The following CLMN variants were observed in gnomAD, a reference collection of about 807,000 sequenced individuals.
CLMN encodes calmin, also known as calmin (calponin-like, transmembrane).
CLMN carries 57 observed loss-of-function variants against 92.7 expected under a neutral mutation model. The observed-to-expected ratio is 0.61, with a 90% confidence interval of 0.50 to 0.77. The LOEUF (loss-of-function observed/expected upper bound fraction) is 0.77, where lower values mean the gene tolerates loss of function less well. Among genes scored for constraint, CLMN ranks in the 30% least tolerant of loss-of-function variants. The pLI is 0.00. For missense variants in CLMN, 1,158 were observed against 1,237.5 expected (o/e 0.94, Z 0.96); for synonymous variants, 466 against 470.6 (o/e 0.99, Z 0.13).
intron 2 of CLMN, among the ~76,000 whole-genome samples, chr14:95,226,722 C>T (rs1233242927): frequency 1.3e-5 from 2 of 152,194 alleles, no homozygotes; most frequent in Non-Finnish European, 2.9e-5. Flanking sequence ...ACTACAGGCA[C>T]GTGCCATCAC....
chr14:95,222,145 T>C (rs1897563676), intron 3 of CLMN, among the ~76,000 whole-genome samples: 1 of 152,160 alleles, frequency 6.6e-6, no homozygotes, highest in Non-Finnish European at 1.5e-5. Context: ...CATTACGTGT[T>C]CCCTTCGCTA....
intron 1 of CLMN, among the ~76,000 whole-genome samples, chr14:95,239,681 G>C (rs1408745377): frequency 6.6e-6 from 1 of 152,188 alleles, no homozygotes; most frequent in African/African-American, 2.4e-5. Flanking sequence ...CTGCCCCCTT[G>C]CATCATTTAT....
chr14:95,196,245 CCACCCAAAGG>C (rs3835292), intron 10 of CLMN, among the ~76,000 whole-genome samples: 14,240 of 152,214 alleles, frequency 0.094, 1,012 homozygotes, highest in East Asian at 0.43. Context: ...CTGCCAGCTT[CCACCCAAAGG>C]TTTGAAGACT....
At chr14:95,274,674 T>A (rs1899853258) in intron 1 of CLMN, among the ~76,000 whole-genome samples, 1 of 152,164 alleles carries the variant, frequency 6.6e-6, no homozygotes, top group African/African-American at 2.4e-5. Context: ...GTGTGTGTCT[T>A]GCAGTATTAT....
intron 12 of CLMN, chr14:95,192,615 A>T (rs1896588188): frequency 6.6e-6 from 1 of 152,292 alleles, no homozygotes; most frequent in Admixed American, 6.5e-5. Flanking sequence ...ATACTGAATG[A>T]TAAATACCCA....
chr14:95,267,617 C>T (rs1410461993), intron 1 of CLMN, among the ~76,000 whole-genome samples: 1 of 152,058 alleles, frequency 6.6e-6, no homozygotes, highest in Non-Finnish European at 1.5e-5. Context: ...TATGAAGATT[C>T]GTCAAAAAAC....
chr14:95,249,836 G>A (rs1162831789), intron 1 of CLMN, among the ~76,000 whole-genome samples: 3 of 152,058 alleles, frequency 2.0e-5, no homozygotes, highest in Non-Finnish European at 4.4e-5. Context: ...TTCATGATCT[G>A]CCCACTCAGA....
chr14:95,259,384 C>T lies in CLMN; in HGVS notation c.83-29251G>A, dbSNP rs1185579555. On this transcript the variant is annotated intron_variant, in intron 1 of 12. Transcript: ENST00000298912. This position sits in a 1 kb window ranked among gnomAD's most constrained non-coding sequence, Gnocchi z 4.3. Reference sequence around the variant, plus strand: ...ACTCACCAGGCCTGACCTTGGGCACCAGAACGGAGAAGGAAATGTGCGTGG... The same window carrying T: ...ACTCACCAGGCCTGACCTTGGGCACTAGAACGGAGAAGGAAATGTGCGTGG... Among the ~76,000 whole-genome samples the T allele has an allele frequency of 3.3e-5, 5 of 152,092 alleles. No individual in the cohort carries two copies. The highest frequency in any genetic ancestry group is 7.4e-5 in the Non-Finnish European group (5 of 67,994).
At chr14:95,310,204 C>T (rs974526150) in intron 1 of CLMN, among the ~76,000 whole-genome samples, 5 of 152,228 alleles carry the variant, frequency 3.3e-5, no homozygotes, top group Non-Finnish European at 7.3e-5. Flanking sequence ...CCTGCAGAAC[C>T]ATGAGCCAAT....
chr14:95,319,608 G>C (rs181776963), intron 1 of CLMN, 103 bp downstream of exon 1: 2 of 929,156 alleles, frequency 2.2e-6, no homozygotes, highest in African/African-American at 3.6e-5. Flanking sequence ...AACAACGAGC[G>C]GCCGGCGAGC....
intron 1 of CLMN, among the ~76,000 whole-genome samples, chr14:95,264,008 CTTTATTTATTTATTTATTTATTTA>C (rs34763756): frequency 5.6e-5 from 8 of 143,858 alleles, no homozygotes; most frequent in Middle Eastern, 3.5e-3. Context: ...CACCTTATTA[CTTTATTTATTTATTTATTTATTTA>C]TTTATTTATT....
intron 6 of CLMN, 79 bp downstream of exon 6, chr14:95,213,140 A>G: frequency 1.5e-5 from 23 of 1,484,840 alleles, no homozygotes; most frequent in Non-Finnish European, 2.1e-5. Context: ...TGGCACCTTA[A>G]TAAATACTAA....
At chr14:95,282,743 GAGA>G (rs1376100225) in intron 1 of CLMN, among the ~76,000 whole-genome samples, 2 of 152,280 alleles carry the variant, frequency 1.3e-5, no homozygotes, top group Non-Finnish European at 2.9e-5. Flanking sequence ...GCCACTCAGA[GAGA>G]AGGTCAGAAT....
At chr14:95,207,999 T>C (rs1181211648) in intron 8 of CLMN, among the ~76,000 whole-genome samples, 3 of 152,162 alleles carry the variant, frequency 2.0e-5, no homozygotes, top group Non-Finnish European at 4.4e-5. Flanking sequence ...GATCCTTATT[T>C]TCGTTTATAA....
chr14:95,210,726 T>G lies in CLMN; in HGVS notation c.762A>C (p.Ala254=). 1 of 1,610,498 alleles carries G rather than the reference T, an allele frequency of 6.2e-7. No homozygotes were observed. Among genetic ancestry groups the G allele is most frequent in the Middle Eastern group, 1.7e-4 (1 of 6,056 alleles). Residue 254 remains alanine, a synonymous_variant, in exon 7 of 13, where the codon GCA becomes GCC. Transcript: ENST00000298912. The part of the protein sequence containing the change: ...RENLEKAFSI[A]QDALHIPRLL... ...GCCTGGGGATGTGCAGGGCATCCTG[T>G]GCGATGCTGAAAGCCTTCTCTAGAT...
chr14:95,279,769 CGA>C (rs1900074162), intron 1 of CLMN, among the ~76,000 whole-genome samples: 1 of 152,144 alleles, frequency 6.6e-6, no homozygotes, highest in African/African-American at 2.4e-5. Context: ...GGCGACAGAG[CGA>C]GACTCCGTCT....
At position 95,204,083 on chromosome 14, in the gene CLMN, G is replaced by A; in HGVS notation, c.1266C>T (p.Ile422=). The A allele has an allele frequency of 6.2e-7, 1 of 1,614,080 alleles. No homozygotes were observed. Among genetic ancestry groups the A allele is most frequent in the South Asian group, 1.1e-5 (1 of 91,064 alleles). Residue 422 remains isoleucine, a synonymous_variant, in exon 9 of 13, where the codon ATC becomes ATT. Coordinates refer to ENST00000298912, the MANE Select transcript of CLMN (RefSeq NM_024734.4). ...KENGRSNSLP[I]KKTVHFEADT... ...CAGCCTCAAAGTGAACTGTTTTCTT[G>A]ATCGGCAAAGAGTTGGACCTCCCGT...
intron 1 of CLMN, among the ~76,000 whole-genome samples, chr14:95,291,458 A>C (rs959200678): frequency 2.6e-5 from 4 of 152,214 alleles, no homozygotes; most frequent in Non-Finnish European, 4.4e-5. Flanking sequence ...ATCATTGGCC[A>C]CAGGAGCTGT....
At chr14:95,265,736 A>C (rs887686313) in intron 1 of CLMN, among the ~76,000 whole-genome samples, 10 of 152,254 alleles carry the variant, frequency 6.6e-5, no homozygotes, top group Admixed American at 6.5e-4. Flanking sequence ...TTTCATGCTC[A>C]GACAGAGCCC....
Sources: allele counts gnomAD v4.1 joint callset (sites outside exome capture counted in the v4.1 genomes callset), GRCh38; gene constraint gnomAD v4.1.1; non-coding constraint Gnocchi (gnomAD v3.1); transcripts MANE v1.5; gene names NCBI Gene and HGNC (gene_info 2026-07-23, HGNC 2026-07-21).